The following MARCHF1 variants were observed in gnomAD, a reference collection of about 807,000 sequenced individuals.
The protein encoded by MARCHF1 is E3 ubiquitin-protein ligase MARCHF1.
In MARCHF1, 40 loss-of-function variants were observed where a neutral mutation model predicts 54.2. The ratio of observed to expected loss-of-function variants is 0.74; its 90% CI spans 0.57 to 0.96. The LOEUF (loss-of-function observed/expected upper bound fraction) is 0.96. Among genes scored for constraint, MARCHF1 ranks in the 40% least tolerant of loss-of-function variants. MARCHF1 has a pLI of 0.00. For missense variants in MARCHF1, 586 were observed against 656.5 expected, an observed-to-expected ratio of 0.89 and a Z score of 1.17; for synonymous variants, 236 against 236.3, an observed-to-expected ratio of 1.00 and a Z score of 0.01.
At chr4:164,086,845 G>A (rs1006551116) in intron 2 of MARCHF1, among the ~76,000 whole-genome samples, 1 of 151,908 alleles carries the variant, frequency 6.6e-6, no homozygotes, top group African/African-American at 2.4e-5. Context: ...TGTCTTGAGA[G>A]GAAGAAAACA....
At chr4:163,879,805 G>GTGTA (rs1491364184) in intron 3 of MARCHF1, among the ~76,000 whole-genome samples, 1 of 2,708 alleles carries the variant, frequency 3.7e-4, no homozygotes, top group African/African-American at 5.7e-4. Context: ...ATTTAGAGGC[G>GTGTA]TGTGTGTGTG....
intron 2 of MARCHF1, among the ~76,000 whole-genome samples, chr4:164,003,675 T>C (rs1753228822): frequency 1.3e-5 from 2 of 152,138 alleles, no homozygotes; most frequent in Admixed American, 6.6e-5. Context: ...GGAACACTTT[T>C]ACACTGCTAG....
At chr4:163,839,752 G>A (rs1003597552) in intron 4 of MARCHF1, among the ~76,000 whole-genome samples, 4 of 152,048 alleles carry the variant, frequency 2.6e-5, no homozygotes, top group South Asian at 2.1e-4. Flanking sequence ...ATGCATACAA[G>A]TTTCTTTTGG....
chr4:163,901,682 G>A (rs968322201), intron 3 of MARCHF1, among the ~76,000 whole-genome samples: 3 of 152,172 alleles, frequency 2.0e-5, no homozygotes, highest in Non-Finnish European at 4.4e-5. Flanking sequence ...TTTACAGCAG[G>A]AATGACATTT....
At chr4:163,544,506 C>T (rs190472902) in intron 9 of MARCHF1, among the ~76,000 whole-genome samples, 3 of 152,268 alleles carry the variant, frequency 2.0e-5, no homozygotes, top group Admixed American at 1.3e-4. Context: ...TGGGTCCTGG[C>T]CTTCCCTTTA....
intron 5 of MARCHF1, among the ~76,000 whole-genome samples, chr4:163,618,117 G>A (rs761611454): frequency 1.8e-4 from 28 of 152,102 alleles, no homozygotes; most frequent in Non-Finnish European, 3.2e-4. Flanking sequence ...CCTTGTTGCC[G>A]AAGAATATTC....
chr4:163,629,293 A>G (rs1415175540), intron 5 of MARCHF1, among the ~76,000 whole-genome samples: 1 of 152,230 alleles, frequency 6.6e-6, no homozygotes, highest in East Asian at 1.9e-4. Context: ...CCTGACAAAA[A>G]CAAGCAATGG....
At chr4:164,042,404 C>T (rs1192414265) in intron 2 of MARCHF1, among the ~76,000 whole-genome samples, 1 of 152,130 alleles carries the variant, frequency 6.6e-6, no homozygotes, top group African/African-American at 2.4e-5. Flanking sequence ...AAAGAAAGCA[C>T]CTTCTTATGG....
intron 1 of MARCHF1, among the ~76,000 whole-genome samples, chr4:164,157,117 T>C (rs2110928158): frequency 6.6e-6 from 1 of 152,150 alleles, no homozygotes; most frequent in East Asian, 1.9e-4. Context: ...TGTATTTATT[T>C]CTCCATAGAT....
At chr4:163,854,260 CA>C in intron 3 of MARCHF1, 91 bp from the exon 4 acceptor site, 1 of 993,232 alleles carries the variant, frequency 1.0e-6, no homozygotes. Context: ...AACAATATAA[CA>C]AAACACTAAT....
intron 1 of MARCHF1, among the ~76,000 whole-genome samples, chr4:164,278,997 G>A (rs1733956161): frequency 6.6e-6 from 1 of 151,800 alleles, no homozygotes; most frequent in Admixed American, 6.6e-5. Context: ...AGGCTCATTT[G>A]TAGTTTTTGT....
At chr4:163,676,681 A>G (rs1486316779) in intron 5 of MARCHF1, among the ~76,000 whole-genome samples, 1 of 152,190 alleles carries the variant, frequency 6.6e-6, no homozygotes, top group Non-Finnish European at 1.5e-5. Flanking sequence ...GCTTGAGCCC[A>G]GGAATTTGAG....
chr4:163,568,188 T>A lies in MARCHF1; in HGVS notation c.1191+17561A>T, dbSNP rs184301189. On this transcript the variant is annotated intron_variant, in intron 8 of 9. Transcript: ENST00000514618. ...ATATCAATATAAGACATTATAACTATATAAAATAGGCATTCATTAAATAAA... is the reference window on the plus strand; with the variant it reads ...ATATCAATATAAGACATTATAACTAAATAAAATAGGCATTCATTAAATAAA... 5.1e-3 allele frequency among the ~76,000 whole-genome samples: 770 copies of A among 152,298 alleles called. 7 individuals carry two copies. Among genetic ancestry groups the A allele is most frequent in the African/African-American group, 0.016 (651 of 41,562 alleles).
At chr4:163,836,672 GA>G (rs1355849296) in intron 4 of MARCHF1, among the ~76,000 whole-genome samples, 1 of 146,320 alleles carries the variant, frequency 6.8e-6, no homozygotes, top group African/African-American at 2.5e-5. Context: ...TAAGGAAACA[GA>G]GGGTCCATCT....
At chr4:163,836,927 C>T (rs553445679) in intron 4 of MARCHF1, among the ~76,000 whole-genome samples, 1 of 151,908 alleles carries the variant, frequency 6.6e-6, no homozygotes, top group South Asian at 2.1e-4. Context: ...GAAGCAGAAG[C>T]CATTCTAATG....
intron 5 of MARCHF1, among the ~76,000 whole-genome samples, chr4:163,638,190 T>C (rs1331157604): frequency 6.7e-6 from 1 of 149,624 alleles, no homozygotes; most frequent in African/African-American, 2.5e-5. Flanking sequence ...CATGTATACG[T>C]ATGTAACTAA....
At chr4:163,887,673 G>A (rs1750569973) in intron 3 of MARCHF1, among the ~76,000 whole-genome samples, 1 of 152,194 alleles carries the variant, frequency 6.6e-6, no homozygotes, top group Admixed American at 6.6e-5. Context: ...TCCAAGGTCT[G>A]TAGAAAACCC....
intron 3 of MARCHF1, among the ~76,000 whole-genome samples, chr4:163,944,622 T>A (rs1312374728): frequency 6.6e-6 from 1 of 152,166 alleles, no homozygotes; most frequent in Non-Finnish European, 1.5e-5. Context: ...CAAGTATTAA[T>A]CTCTAAGAAA....
intron 1 of MARCHF1, among the ~76,000 whole-genome samples, chr4:164,180,893 C>A (rs972725424): frequency 2.0e-5 from 3 of 152,172 alleles, no homozygotes; most frequent in African/African-American, 7.2e-5. Context: ...CTCACCTGAA[C>A]CATGCAACAG....
Sources: gnomAD v4.1 joint callset for allele counts (sites outside exome capture counted in the v4.1 genomes callset) on GRCh38, gnomAD v4.1.1 for gene constraint, MANE v1.5 for transcripts, NCBI Gene and HGNC (gene_info 2026-07-23, HGNC 2026-07-21) for gene names.